Variants in STAT5A observed in about 807,000 individuals in gnomAD.
STAT5A encodes the protein epididymis secretory sperm binding protein.
STAT5A carries 26 observed loss-of-function variants against 100.2 expected under a neutral mutation model. The ratio of observed to expected loss-of-function variants is 0.26; its 90% CI spans 0.19 to 0.36. The LOEUF (loss-of-function observed/expected upper bound fraction) is 0.36. STAT5A is among the 10% of genes least tolerant of loss of function. The pLI is 1.00. For missense variants in STAT5A, 634 were observed against 1,027.5 expected (o/e 0.62, Z 5.24); for synonymous variants, 330 against 424.3 (o/e 0.78, Z 2.73).
Position 42,295,762 on chromosome 17 carries a change from C to A in STAT5A, c.519C>A (p.Ile173=). The change falls in exon 5 of 19, where the codon ATC becomes ATA. Residue 173 remains isoleucine (I), a synonymous_variant. Coordinates refer to ENST00000590949, the MANE Select transcript of STAT5A (RefSeq NM_001288718.2). ...KKLQQTQEYF[I]IQYQESLRIQ... is the part of the protein sequence containing the mutation. ...TGCAGCAGACTCAGGAGTACTTCAT[C>A]ATCCAGTACCAGGAGAGCCTGAGGA... The A allele has an allele frequency of 3.1e-6, 5 of 1,614,050 alleles. No homozygotes were observed. The highest frequency in any genetic ancestry group is 4.2e-6 in the Non-Finnish European group (5 of 1,179,984).
chr17:42,307,840 G>A (rs767069382), intron 15 of STAT5A, 117 bp downstream of exon 15: 14 of 1,405,740 alleles, frequency 1.0e-5, no homozygotes, highest in Non-Finnish European at 1.4e-5. Context: ...GGGAAGCTTA[G>A]TATGAGAGGG....
At chr17:42,306,086 T>C (rs1266574153) in intron 12 of STAT5A, 155 bp from the exon 13 acceptor site, 8 of 1,356,592 alleles carry the variant, frequency 5.9e-6, no homozygotes, top group African/African-American at 1.5e-5. Context: ...CAAGCTAGTA[T>C]ATAAAAGCCG....
intron 9 of STAT5A, among the ~76,000 whole-genome samples, chr17:42,302,348 G>A (rs1005331018): frequency 6.6e-6 from 1 of 152,184 alleles, no homozygotes; most frequent in African/African-American, 2.4e-5. Context: ...GGGATGTGTA[G>A]GGCACCGAGA....
At chr17:42,292,088 A>C in intron 4 of STAT5A, 27 bp downstream of exon 4, 1 of 1,611,218 alleles carries the variant, frequency 6.2e-7, no homozygotes, top group Non-Finnish European at 8.5e-7. Context: ...GATGGGGAGG[A>C]GTGTTGAGAA....
chr17:42,307,494 T>C lies in STAT5A; in HGVS notation c.1773T>C (p.Asp591=). The C allele has an allele frequency of 6.2e-7, 1 of 1,613,950 alleles. No homozygotes were observed. Among genetic ancestry groups the C allele is most frequent in the Non-Finnish European group, 8.5e-7 (1 of 1,179,978 alleles). The change falls in exon 14 of 19, where the codon GAT becomes GAC. Residue 591 remains aspartate (D), a splice_region_variant and synonymous_variant. Transcript: ENST00000590949. Reference sequence around the variant, plus strand: ...AGCACCACAAGCCCCACTGGAATGATGGGTAAGGAACGGGGGCTGCAGGGT... The same window carrying C: ...AGCACCACAAGCCCCACTGGAATGACGGGTAAGGAACGGGGGCTGCAGGGT... ...LKKHHKPHWN[D]GAILGFVNKQ...
chr17:42,293,027 CAG>C (rs2080886169), intron 4 of STAT5A, among the ~76,000 whole-genome samples: 1 of 152,142 alleles, frequency 6.6e-6, no homozygotes, highest in Non-Finnish European at 1.5e-5. Flanking sequence ...GGAGGGGTAA[CAG>C]GGACACATCT....
rs754321256 is a variant in STAT5A at position 42,309,326 on chromosome 17, A to T, written c.2115-51A>T. ...TGCCCCTCGGTCCCCTCCCCAAGTCAGCTGCCCCGGCCTCCCTGGTGGCTG... is the reference window on the plus strand; with the variant it reads ...TGCCCCTCGGTCCCCTCCCCAAGTCTGCTGCCCCGGCCTCCCTGGTGGCTG... On this transcript the variant is annotated intron_variant, in intron 17 of 18. Coordinates refer to ENST00000590949, the MANE Select transcript of STAT5A (RefSeq NM_001288718.2). The T allele has an allele frequency of 3.1e-6, 5 of 1,602,056 alleles. No individual in the cohort carries two copies. In the Admixed American group the frequency reaches 8.4e-5, roughly 27 times the overall value.
At chr17:42,298,779 G>C (rs527589981) in intron 5 of STAT5A, among the ~76,000 whole-genome samples, 3 of 152,266 alleles carry the variant, frequency 2.0e-5, no homozygotes, top group South Asian at 2.1e-4. Flanking sequence ...GAGCCACTGC[G>C]CCCAGCCCCA....
rs1183696101 is a variant in STAT5A, at chr17:42,308,023, A to C, written c.1907-155A>C. On this transcript the variant is annotated intron_variant, in intron 15 of 18. Transcript: ENST00000590949. The surrounding 1 kb of genome is among the most constrained non-coding windows in gnomAD (Gnocchi z 4.6). ...CTGCTCATCTGGTTTGCTGAGTAGA[A>C]CATCCCGCATCGGCTTTCTTCCCTA... Among the ~76,000 whole-genome samples, 1 of 152,108 alleles carries C rather than the reference A, an allele frequency of 6.6e-6. No homozygotes were observed. The highest frequency in any genetic ancestry group is 1.5e-5 in the Non-Finnish European group (1 of 68,032).
chr17:42,289,294 G>A, intron 1 of STAT5A, 108 bp from the exon 2 acceptor site: 2 of 1,288,928 alleles, frequency 1.6e-6, no homozygotes, highest in Non-Finnish European at 2.0e-6. Context: ...GAGGGGAGGG[G>A]CCTGGCCTGG....
At chr17:42,294,088 C>T (rs962440944) in intron 4 of STAT5A, among the ~76,000 whole-genome samples, 2 of 151,962 alleles carry the variant, frequency 1.3e-5, no homozygotes, top group South Asian at 2.1e-4. Flanking sequence ...TGGTGGCGGG[C>T]GCCTGTAATC....
chr17:42,288,165 A>C (rs2080830678), upstream of STAT5A: 1 of 152,198 alleles, frequency 6.6e-6, no homozygotes, highest in African/African-American at 2.4e-5. This position sits in a 1 kb window ranked among gnomAD's most constrained non-coding sequence, Gnocchi z 4.8. Context: ...TGGGATTTCC[A>C]GAGCCCGGGA....
chr17:42,300,631 G>C (rs1197064404), intron 7 of STAT5A, 84 bp from the exon 8 acceptor site: 3 of 1,610,482 alleles, frequency 1.9e-6, no homozygotes, highest in African/African-American at 2.7e-5. Context: ...GAGCCTTCCT[G>C]GGGGAACGGG....
At chr17:42,302,897 G>T (rs1300066063) in intron 9 of STAT5A, among the ~76,000 whole-genome samples, 2 of 151,690 alleles carry the variant, frequency 1.3e-5, no homozygotes, top group East Asian at 3.9e-4. Flanking sequence ...GGACGTGGCA[G>T]TGAGCCAAGA....
In STAT5A at chr17:42,310,435, G is replaced by GGAGGCTGTCCCCAGGGAGCTT. The variant is rs2081069087; in HGVS notation, c.2223-63_2223-43dup. ...GACGGGTTTGAGTGGAGAGCAGGCT[G>GGAGGCTGTCCCCAGGGAGCTT]GAGGCTGTCCCCAGGGAGCTTGAGG... On this transcript the variant is annotated intron_variant, in intron 18 of 18. Coordinates refer to ENST00000590949, the MANE Select transcript of STAT5A (RefSeq NM_001288718.2). 4.5e-6 allele frequency: 7 copies of GGAGGCTGTCCCCAGGGAGCTT among 1,549,008 alleles called. No homozygotes were observed. The South Asian group carries it at 7.9e-5, about 17-fold the overall frequency.
intron 13 of STAT5A, among the ~76,000 whole-genome samples, chr17:42,307,153 T>C (rs563356229): frequency 6.6e-6 from 1 of 152,312 alleles, no homozygotes; most frequent in South Asian, 2.1e-4. Flanking sequence ...CCAGCCTAGA[T>C]TATTCTTTAC....
In STAT5A at chr17:42,301,304, A is replaced by G. The variant is rs753487488; in HGVS notation, c.1019A>G (p.Gln340Arg). ...TTCATCATTGAGAAGCAGCCTCCTC[A>G]GGTCCTGAAGACCCAGACCAAGTTT... ...STFIIEKQPP[Q>R]VLKTQTKFAA... Residue 340 changes from glutamine to arginine, a missense_variant, in exon 9 of 19, where the codon CAG becomes CGG. Around this residue, in one of 5 missense-constraint regions of STAT5A, gnomAD observed 98 missense variants for 149.7 expected, o/e 0.65. Coordinates refer to ENST00000590949, the MANE Select transcript of STAT5A (RefSeq NM_001288718.2). The G allele has an allele frequency of 3.9e-5, 63 of 1,613,774 alleles. No homozygotes were observed. Among genetic ancestry groups the G allele is most frequent in the Non-Finnish European group, 4.8e-5 (57 of 1,179,976 alleles).
chr17:42,289,529 A>C lies in STAT5A; in HGVS notation c.118A>C (p.Ser40Arg). The change falls in exon 2 of 19, where the codon AGC (serine) becomes CGC (arginine). Residue 40 changes from serine (S) to arginine (R), a missense_variant. Around this residue, in one of 5 missense-constraint regions of STAT5A, gnomAD observed 207 missense variants for 256.6 expected, o/e 0.81. Coordinates refer to ENST00000590949, the MANE Select transcript of STAT5A (RefSeq NM_001288718.2). ...GCACTACTTGGCCCAGTGGATTGAG[A>C]GCCAGCCATGGTAGGCACGTCCCGC... ...VRHYLAQWIESQPWDAIDLDN... is the reference protein window; with the variant it reads ...VRHYLAQWIERQPWDAIDLDN... The C allele has an allele frequency of 6.2e-7, 1 of 1,612,816 alleles. No homozygotes were observed.
chr17:42,301,014 G>C (rs2080972550), intron 8 of STAT5A, 144 bp downstream of exon 8: 1 of 1,528,106 alleles, frequency 6.5e-7, no homozygotes, highest in African/African-American at 1.4e-5. Flanking sequence ...GTGGCTGCTA[G>C]GTGCCGCCCT....
Sources: gnomAD v4.1 joint callset for allele counts (sites outside exome capture counted in the v4.1 genomes callset) on GRCh38, gnomAD v4.1.1 for gene constraint, gnomAD v4.1.1 regional missense constraint, Gnocchi (gnomAD v3.1) non-coding constraint, MANE v1.5 for transcripts, NCBI Gene and HGNC (gene_info 2026-07-23, HGNC 2026-07-21) for gene names.